ARRB1: variants seen among roughly 807,000 people sequenced by gnomAD.
ARRB1 encodes arrestin beta 1, also known as beta-arrestin-1.
In ARRB1, 21 loss-of-function variants were observed where a neutral mutation model predicts 56.8. The ratio of observed to expected loss-of-function variants is 0.37; its 90% CI spans 0.26 to 0.53. The LOEUF is 0.53. Among genes scored for constraint, ARRB1 ranks in the 20% least tolerant of loss-of-function variants. ARRB1 has a pLI of 0.88. For synonymous variants in ARRB1, 210 were observed against 218.6 expected, an observed-to-expected ratio of 0.96 and a Z score of 0.35; for missense variants, 424 against 553.7, an observed-to-expected ratio of 0.77 and a Z score of 2.35.
chr11:75,293,919 C>A (rs1184261499), intron 1 of ARRB1, among the ~76,000 whole-genome samples: 2 of 152,196 alleles, frequency 1.3e-5, no homozygotes, highest in African/African-American at 4.8e-5. Flanking sequence ...TGCCCCATTG[C>A]CTCTGTGGAC....
intron 13 of ARRB1, chr11:75,269,228 C>T (rs996088736): frequency 2.9e-6 from 2 of 687,230 alleles, no homozygotes; most frequent in South Asian, 2.8e-5. Context: ...GGAAGAGGCC[C>T]AGGGGTGGGA....
At chr11:75,273,541 T>G (rs1466855449) in intron 11 of ARRB1, among the ~76,000 whole-genome samples, 1 of 152,120 alleles carries the variant, frequency 6.6e-6, no homozygotes, top group Non-Finnish European at 1.5e-5. Flanking sequence ...GCTCTAGACG[T>G]AGGCCAAAGC....
At chr11:75,338,054 G>A (rs1330184732) in intron 1 of ARRB1, among the ~76,000 whole-genome samples, 2 of 152,132 alleles carry the variant, frequency 1.3e-5, no homozygotes, top group African/African-American at 4.8e-5. Flanking sequence ...AAAGACTGTT[G>A]AGGAAGATCC....
intron 1 of ARRB1, among the ~76,000 whole-genome samples, chr11:75,336,610 C>A (rs1591988144): frequency 6.6e-6 from 1 of 152,126 alleles, no homozygotes; most frequent in African/African-American, 2.4e-5. Context: ...TCCTGAGATG[C>A]GAGACTGAGA....
intron 1 of ARRB1, among the ~76,000 whole-genome samples, chr11:75,343,915 A>C (rs1947729055): frequency 1.3e-5 from 2 of 151,774 alleles, no homozygotes; most frequent in East Asian, 3.9e-4. Context: ...TCCCGGGTTC[A>C]TGCTATTCTC....
intron 2 of ARRB1, among the ~76,000 whole-genome samples, chr11:75,288,347 G>A (rs1418444325): frequency 2.0e-5 from 3 of 152,224 alleles, no homozygotes; most frequent in Non-Finnish European, 2.9e-5. Context: ...GGGGGCTCAC[G>A]CCCCACTCCA....
chr11:75,268,510 C>CAAAAAAA (rs61409833), intron 14 of ARRB1, among the ~76,000 whole-genome samples: 139 of 61,262 alleles, frequency 2.3e-3, no homozygotes, highest in Non-Finnish European at 3.3e-3. Flanking sequence ...GTCTCAAAAC[C>CAAAAAAA]AAAAAAAAAA....
At position 75,305,375 on chromosome 11, in the gene ARRB1, C is replaced by G. The variant is rs117593728; in HGVS notation, c.21-15336G>C. Among the ~76,000 whole-genome samples, 992 of 152,128 alleles carry G rather than the reference C, an allele frequency of 6.5e-3. 5 individuals carry two copies. Among genetic ancestry groups the G allele is most frequent in the Non-Finnish European group, 0.012 (786 of 67,974 alleles). ...ATGCATTTTCAAAACTGATTACATA[C>G]TAATTATTTTACTGTTGTTACTATC... On this transcript the variant is annotated intron_variant, in intron 1 of 15. Coordinates refer to ENST00000420843, the MANE Select transcript of ARRB1 (RefSeq NM_004041.5).
At chr11:75,297,583 G>A (rs1946783612) in intron 1 of ARRB1, among the ~76,000 whole-genome samples, 2 of 151,972 alleles carry the variant, frequency 1.3e-5, no homozygotes, top group South Asian at 4.1e-4. Flanking sequence ...ACTCAAATGG[G>A]GCCGGGCGCT....
chr11:75,287,463 C>T, intron 2 of ARRB1, 88 bp from the exon 3 acceptor site: 1 of 1,369,602 alleles, frequency 7.3e-7, no homozygotes, highest in Non-Finnish European at 1.0e-6. Context: ...CGGGCAGCCT[C>T]TGAAACTCCA....
At chr11:75,267,603 G>A (rs775936780) in intron 15 of ARRB1, 49 bp downstream of exon 15, 22 of 737,564 alleles carry the variant, frequency 3.0e-5, no homozygotes, top group Non-Finnish European at 3.7e-5. Flanking sequence ...CCTCCACCCC[G>A]CCCACCCGCG....
At chr11:75,283,644 G>T (rs113388228) in intron 4 of ARRB1, among the ~76,000 whole-genome samples, 161 bp from the exon 5 acceptor site, 99 of 152,346 alleles carry the variant, frequency 6.5e-4, no homozygotes, top group Middle Eastern at 3.4e-3. Context: ...GGCTGGTAGT[G>T]AGTACCGGAA....
intron 1 of ARRB1, among the ~76,000 whole-genome samples, chr11:75,305,018 C>CTTTTTTTTTTTT (rs35323331): frequency 9.2e-5 from 8 of 86,732 alleles, no homozygotes; most frequent in South Asian, 4.1e-4. Flanking sequence ...TTCTTTCTTT[C>CTTTTTTTTTTTT]TTTTTTTTTT....
At chr11:75,348,009 C>A (rs1382142465) in intron 1 of ARRB1, among the ~76,000 whole-genome samples, 1 of 152,216 alleles carries the variant, frequency 6.6e-6, no homozygotes, top group Non-Finnish European at 1.5e-5. Context: ...CTTGGCGCTG[C>A]CAAAGACATC....
At chr11:75,301,478 T>C (rs1332592727) in intron 1 of ARRB1, among the ~76,000 whole-genome samples, 1 of 152,104 alleles carries the variant, frequency 6.6e-6, no homozygotes, top group South Asian at 2.1e-4. Context: ...CAGAAGGCAA[T>C]AGGGAGCCAT....
At chr11:75,334,887 C>A (rs2134978860) in intron 1 of ARRB1, among the ~76,000 whole-genome samples, 1 of 151,756 alleles carries the variant, frequency 6.6e-6, no homozygotes, top group Middle Eastern at 3.4e-3. Flanking sequence ...CACAGCAGGG[C>A]AGAGCTGGGC....
intron 1 of ARRB1, among the ~76,000 whole-genome samples, chr11:75,300,766 A>G (rs1217286496): frequency 6.7e-6 from 1 of 149,242 alleles, no homozygotes; most frequent in African/African-American, 2.6e-5. Flanking sequence ...GGAGATCGAG[A>G]CCATCCTGGC....
At chr11:75,294,941 AG>A (rs1838789290) in intron 1 of ARRB1, among the ~76,000 whole-genome samples, 1 of 151,948 alleles carries the variant, frequency 6.6e-6, no homozygotes, top group South Asian at 2.1e-4. Flanking sequence ...CAACACAAAC[AG>A]GCCAGGTGTG....
At chr11:75,343,795 G>A (rs942237988) in intron 1 of ARRB1, among the ~76,000 whole-genome samples, 1 of 152,036 alleles carries the variant, frequency 6.6e-6, no homozygotes, top group African/African-American at 2.4e-5. Context: ...CCTGGAGGAA[G>A]TGTTCCTGAC....
Sources: allele counts gnomAD v4.1 joint callset (sites outside exome capture counted in the v4.1 genomes callset), GRCh38; gene constraint gnomAD v4.1.1; transcripts MANE v1.5; gene names NCBI Gene and HGNC (gene_info 2026-07-23, HGNC 2026-07-21).